The following NHERF2 variants were observed in gnomAD, a reference collection of about 807,000 sequenced individuals.
NHERF2 encodes the protein Na(+)/H(+) exchange regulatory cofactor NHE-RF2.
the NHERF2 span, chr16:2,033,146 G>T: frequency 7.1e-7 from 1 of 1,415,154 alleles, no homozygotes; most frequent in Non-Finnish European, 9.2e-7. Flanking sequence ...AGCTGGGTGG[G>T]GGGCGCCAGG....
the NHERF2 span, chr16:2,032,964 G>A: frequency 1.4e-5 from 15 of 1,107,286 alleles, no homozygotes; most frequent in South Asian, 1.4e-4. The surrounding 1 kb of genome is among the most constrained non-coding windows in gnomAD (Gnocchi z 4.0). Context: ...TGGTTGGGGC[G>A]CGGTGCCTGC....
At chr16:2,029,771 G>T in the NHERF2 span, 3 of 1,539,964 alleles carry the variant, frequency 1.9e-6, no homozygotes, top group East Asian at 7.5e-5. Flanking sequence ...CAGCTCCGAA[G>T]CTGGCAAGAA....
the NHERF2 span, chr16:2,037,050 G>C: frequency 6.5e-7 from 1 of 1,534,014 alleles, no homozygotes; most frequent in Non-Finnish European, 8.8e-7. Context: ...GGGTACCCAG[G>C]CCCGACAGAG....
chr16:2,027,354 C>A, the NHERF2 span: 2 of 446,534 alleles, frequency 4.5e-6, no homozygotes, highest in Middle Eastern at 6.5e-4. Context: ...AGCGGCCCGG[C>A]GCCTTCGGAG....
the NHERF2 span, among the ~76,000 whole-genome samples, chr16:2,027,459 C>G: frequency 6.6e-6 from 1 of 152,238 alleles, no homozygotes; most frequent in African/African-American, 2.4e-5. Context: ...TGGCCTCGCC[C>G]TTTGGTCGCG....
the NHERF2 span, chr16:2,037,877 A>C: frequency 6.2e-7 from 1 of 1,606,090 alleles, no homozygotes; most frequent in Admixed American, 1.7e-5. Context: ...CCTCCACCTG[A>C]GCCCCACGGC....
chr16:2,038,198 TGAGAGAGAGTCAGAGACAGAGACAGA>T, the NHERF2 span: 1 of 601,934 alleles, frequency 1.7e-6, no homozygotes, highest in Non-Finnish European at 2.9e-6. Context: ...CCCAGAGATG[TGAGAGAGAGTCAGAGACAGAGACAGA>T]GAGAGAGAGA....
chr16:2,035,802 C>T, the NHERF2 span: 11 of 535,674 alleles, frequency 2.1e-5, no homozygotes, highest in Non-Finnish European at 2.4e-5. Context: ...GCTTGCTGGG[C>T]CCACGGGGGT....
chr16:2,036,291 G>A, the NHERF2 span: 8 of 1,571,416 alleles, frequency 5.1e-6, no homozygotes, highest in Admixed American at 1.2e-4. Context: ...GGAGGCTGGA[G>A]CAAGAGACTG....
At chr16:2,035,370 C>A in the NHERF2 span, 3 of 949,796 alleles carry the variant, frequency 3.2e-6, no homozygotes, top group Non-Finnish European at 3.6e-6. Flanking sequence ...GTCTGAGCGC[C>A]CCCTTGCCAT....
the NHERF2 span, chr16:2,037,691 G>A: frequency 6.4e-7 from 1 of 1,561,402 alleles, no homozygotes; most frequent in Non-Finnish European, 8.7e-7. Flanking sequence ...GGGCAGTGGG[G>A]TCTCTGTTCA....
chr16:2,036,868 G>A, the NHERF2 span: 1 of 1,610,374 alleles, frequency 6.2e-7, no homozygotes, highest in Non-Finnish European at 8.5e-7. Flanking sequence ...CACCCACCGA[G>A]GAGCACGTGG....
the NHERF2 span, chr16:2,036,988 G>C: frequency 1.9e-3 from 2,974 of 1,551,102 alleles, 38 homozygotes; most frequent in African/African-American, 0.031. Flanking sequence ...AATGGAACCA[G>C]CCCTGCCCAG....
At chr16:2,036,486 C>T in the NHERF2 span, 1 of 1,594,160 alleles carries the variant, frequency 6.3e-7, no homozygotes, top group Non-Finnish European at 8.5e-7. Flanking sequence ...CCTCCGCGCC[C>T]AGGACCGGCT....
At chr16:2,038,420 C>A in the NHERF2 span, 42 of 366,294 alleles carry the variant, frequency 1.1e-4, no homozygotes, top group South Asian at 3.2e-4. Flanking sequence ...TTCCCCTCCC[C>A]CTTCCCCTCC....
chr16:2,029,428 G>C, the NHERF2 span: 2 of 659,070 alleles, frequency 3.0e-6, no homozygotes, highest in Admixed American at 4.9e-5. Context: ...GTCCGGGGGT[G>C]GGGGGCGGGG....
chr16:2,031,376 C>G, the NHERF2 span, among the ~76,000 whole-genome samples: 70,476 of 152,094 alleles, frequency 0.46, 19,477 homozygotes, highest in African/African-American at 0.78. Context: ...TCTTTCCCAG[C>G]CACCTTCCCT....
chr16:2,030,907 C>T, the NHERF2 span, among the ~76,000 whole-genome samples: 6 of 151,980 alleles, frequency 3.9e-5, no homozygotes, highest in African/African-American at 1.4e-4. Context: ...CGCCATAGCA[C>T]TCCAGCCTAG....
At chr16:2,034,795 G>A in the NHERF2 span, among the ~76,000 whole-genome samples, 9 of 148,970 alleles carry the variant, frequency 6.0e-5, no homozygotes, top group East Asian at 1.2e-3. Flanking sequence ...TTCCCCTCCC[G>A]AACTGGACTC....
Sources: allele counts gnomAD v4.1 joint callset (sites outside exome capture counted in the v4.1 genomes callset), GRCh38; gene constraint gnomAD v4.1.1; non-coding constraint Gnocchi (gnomAD v3.1); transcripts MANE v1.5; gene names NCBI Gene and HGNC (gene_info 2026-07-23, HGNC 2026-07-21).